GRM3: variants seen among roughly 807,000 people sequenced by gnomAD.
GRM3 encodes the protein glutamate metabotropic receptor 3.
A neutral mutation model predicts 70.5 loss-of-function variants in GRM3; 26 were observed. That is an observed-to-expected ratio of 0.37 (90% CI 0.27 to 0.51). The LOEUF is 0.51. Ranked by LOEUF, GRM3 falls within the 20% of genes least tolerant of loss-of-function variation. The probability of loss-of-function intolerance (pLI) is 0.93; values close to 1 mark genes in which losing one functional copy is unlikely to be tolerated. For missense variants in GRM3, 859 were observed against 1,123.8 expected (o/e 0.76, Z 3.37); for synonymous variants, 443 against 434.9 (o/e 1.02, Z -0.23).
intron 2 of GRM3, among the ~76,000 whole-genome samples, chr7:86,779,034 A>C (rs1584235925): frequency 6.6e-6 from 1 of 152,256 alleles, no homozygotes; most frequent in Non-Finnish European, 1.5e-5. Context: ...GGGATCCTAA[A>C]AAGAAGGCTC....
At chr7:86,790,798 T>C (rs576737594) in intron 3 of GRM3, among the ~76,000 whole-genome samples, 1 of 152,134 alleles carries the variant, frequency 6.6e-6, no homozygotes, top group Non-Finnish European at 1.5e-5. Flanking sequence ...CTTTCAAATA[T>C]TCATGTAAAT....
intron 5 of GRM3, among the ~76,000 whole-genome samples, chr7:86,852,890 T>C (rs1252587371): frequency 1.3e-5 from 2 of 152,170 alleles, no homozygotes; most frequent in Non-Finnish European, 2.9e-5. Flanking sequence ...TTCTCAAGGA[T>C]ATACAGTGAT....
intron 2 of GRM3, among the ~76,000 whole-genome samples, chr7:86,766,826 A>T (rs367551819): frequency 1.3e-5 from 2 of 152,174 alleles, no homozygotes; most frequent in East Asian, 3.9e-4. Context: ...TACCACACTC[A>T]TGTTGTCTTT....
chr7:86,660,626 T>C (rs1339005663), intron 1 of GRM3, among the ~76,000 whole-genome samples: 1 of 100,448 alleles, frequency 1.0e-5, no homozygotes, highest in Admixed American at 1.2e-4. Flanking sequence ...GTGGGTTACA[T>C]GGATTCATTA....
At chr7:86,777,514 G>A (rs1796924573) in intron 2 of GRM3, among the ~76,000 whole-genome samples, 1 of 152,156 alleles carries the variant, frequency 6.6e-6, no homozygotes, top group Admixed American at 6.5e-5. Flanking sequence ...CCCATGGCAT[G>A]TAAGAGTTGT....
chr7:86,690,001 T>G (rs925852991), intron 1 of GRM3, among the ~76,000 whole-genome samples: 1 of 152,060 alleles, frequency 6.6e-6, no homozygotes, highest in Non-Finnish European at 1.5e-5. Flanking sequence ...AGCAAAAGGC[T>G]GGAAATAAAA....
intron 1 of GRM3, among the ~76,000 whole-genome samples, chr7:86,742,346 T>G (rs1796009397): frequency 6.6e-6 from 1 of 152,176 alleles, no homozygotes; most frequent in African/African-American, 2.4e-5. Flanking sequence ...TCAAAAGTCC[T>G]GTCCAAGTTC....
At chr7:86,807,558 G>A (rs915614247) in intron 3 of GRM3, among the ~76,000 whole-genome samples, 17 of 151,834 alleles carry the variant, frequency 1.1e-4, no homozygotes, top group Non-Finnish European at 2.4e-4. Context: ...TCTGTTATTG[G>A]TGTATAGGAA....
chr7:86,753,959 T>G (rs918461542), intron 1 of GRM3, among the ~76,000 whole-genome samples: 1 of 152,074 alleles, frequency 6.6e-6, no homozygotes, highest in Non-Finnish European at 1.5e-5. Context: ...TAATTGGTTT[T>G]TGAGAGATGG....
In GRM3 at chr7:86,845,740, G is replaced by A. The variant is rs757275037; in HGVS notation, c.2392-4630G>A. Among the ~76,000 whole-genome samples the A allele has an allele frequency of 8.9e-4, 136 of 152,134 alleles. 1 individual carries two copies. The highest frequency in any genetic ancestry group is 8.5e-4 in the Admixed American group (13 of 15,264). The stretch of plus-strand genomic sequence containing the variant: ...CCTTGCCAATAAATAAGACACATTT[G>A]TTTTCAGTTTTAAGCACTCAGCAGC... On this transcript the variant is annotated intron_variant, in intron 4 of 5. Transcript: ENST00000361669.
intron 1 of GRM3, among the ~76,000 whole-genome samples, chr7:86,690,787 T>G (rs1346807250): frequency 2.0e-5 from 3 of 152,090 alleles, no homozygotes; most frequent in African/African-American, 7.2e-5. Flanking sequence ...AATTTAAGAA[T>G]GAGGAGGTTT....
intron 3 of GRM3, among the ~76,000 whole-genome samples, chr7:86,794,883 A>T (rs1797511278): frequency 1.0e-5 from 1 of 97,954 alleles, no homozygotes; most frequent in Admixed American, 9.8e-5. Flanking sequence ...TTTGTCTTTA[A>T]AAAAAAAAAA....
At chr7:86,695,539 G>A (rs79990269) in intron 1 of GRM3, among the ~76,000 whole-genome samples, 14,310 of 152,128 alleles carry the variant, frequency 0.094, 759 homozygotes, top group South Asian at 0.15. Flanking sequence ...AAACATTAAA[G>A]GACGGGAAAG....
rs182805387 is a variant in GRM3 at position 86,806,105 on chromosome 7, T to A, written c.1324+18989T>A. ...ATCCTTTTTTATGGCTACATAGTAT[T>A]CCATGGTGTATATGTGCCACATTTT... On this transcript the variant is annotated intron_variant, in intron 3 of 5. Coordinates refer to ENST00000361669, the MANE Select transcript of GRM3 (RefSeq NM_000840.3). Among the ~76,000 whole-genome samples, 5 of 152,314 alleles carry A rather than the reference T, an allele frequency of 3.3e-5. No homozygotes were observed. The East Asian group carries it at 9.6e-4, about 29-fold the overall frequency.
intron 1 of GRM3, among the ~76,000 whole-genome samples, chr7:86,746,496 A>AC (rs1188095588): frequency 6.6e-6 from 1 of 151,108 alleles, no homozygotes; most frequent in Non-Finnish European, 1.5e-5. Flanking sequence ...TGAAAAAAAA[A>AC]ATGTGCAAGT....
chr7:86,752,147 C>A (rs1325665447), intron 1 of GRM3, among the ~76,000 whole-genome samples: 2 of 152,000 alleles, frequency 1.3e-5, no homozygotes, highest in East Asian at 3.9e-4. Flanking sequence ...CTCGAGAAAC[C>A]CTCTCAGGCT....
At chr7:86,668,089 T>G (rs1018960584) in intron 1 of GRM3, among the ~76,000 whole-genome samples, 2 of 152,150 alleles carry the variant, frequency 1.3e-5, no homozygotes, top group African/African-American at 2.4e-5. Flanking sequence ...AGTGATTTCA[T>G]TAGATTCTTA....
intron 4 of GRM3, among the ~76,000 whole-genome samples, chr7:86,840,457 A>T (rs1798538403): frequency 6.6e-6 from 1 of 152,146 alleles, no homozygotes; most frequent in African/African-American, 2.4e-5. Context: ...AGCTTTAGTT[A>T]TATGTACATA....
At chr7:86,819,981 C>T (rs1798087736) in intron 3 of GRM3, among the ~76,000 whole-genome samples, 2 of 152,094 alleles carry the variant, frequency 1.3e-5, no homozygotes, top group Admixed American at 1.3e-4. Flanking sequence ...AGCTTCTGTT[C>T]CCAGATGGCC....
Sources: allele counts gnomAD v4.1 joint callset (sites outside exome capture counted in the v4.1 genomes callset), GRCh38; gene constraint gnomAD v4.1.1; transcripts MANE v1.5; gene names NCBI Gene and HGNC (gene_info 2026-07-23, HGNC 2026-07-21).